Variants in ST14 observed in about 807,000 individuals in gnomAD.
ST14 encodes ST14 transmembrane serine protease matriptase.
A neutral mutation model predicts 96.5 loss-of-function variants in ST14; 40 were observed. The ratio of observed to expected loss-of-function variants is 0.41; its 90% CI spans 0.32 to 0.54. The LOEUF (loss-of-function observed/expected upper bound fraction) is 0.54, where lower values mean the gene tolerates loss of function less well. Among genes scored for constraint, ST14 ranks in the 20% least tolerant of loss-of-function variants. The pLI, the probability that ST14 is intolerant of heterozygous loss-of-function variation, is 0.17. For missense variants in ST14, 1,066 were observed against 1,188.9 expected, an observed-to-expected ratio of 0.90 and a Z score of 1.52; for synonymous variants, 506 against 492.1, an observed-to-expected ratio of 1.03 and a Z score of -0.37.
intron 16 of ST14, among the ~76,000 whole-genome samples, chr11:130,202,703 G>A (rs556454921): frequency 1.8e-4 from 28 of 152,314 alleles, no homozygotes; most frequent in Non-Finnish European, 2.5e-4. Context: ...GCCGGGAGGC[G>A]GCATCACGTT....
At chr11:130,209,392 G>T in intron 17 of ST14, 50 bp from the exon 18 acceptor site, 1 of 1,554,536 alleles carries the variant, frequency 6.4e-7, no homozygotes. Flanking sequence ...CTCGAATGAC[G>T]CTGCCCTCGA....
In ST14 at chr11:130,188,510, C is replaced by T. The variant is rs754650670; in HGVS notation, c.242-20C>T. 1.7e-5 allele frequency: 27 copies of T among 1,612,220 alleles called. No individual in the cohort carries two copies. In the African/African-American group the frequency reaches 3.1e-4, roughly 18 times the overall value. On this transcript the variant is annotated intron_variant, in intron 2 of 18. Transcript: ENST00000278742. This position sits in a 1 kb window ranked among gnomAD's most constrained non-coding sequence, Gnocchi z 5.4. Reference sequence around the variant, plus strand: ...GGTGGTACCACCTCCCCTGACTGAGCGCCTTCTGGTCTCACACAGACCGGG... The same window carrying T: ...GGTGGTACCACCTCCCCTGACTGAGTGCCTTCTGGTCTCACACAGACCGGG...
intron 1 of ST14, among the ~76,000 whole-genome samples, chr11:130,176,007 T>C (rs1953134093): frequency 6.6e-6 from 1 of 152,186 alleles, no homozygotes; most frequent in Non-Finnish European, 1.5e-5. Flanking sequence ...GGTAGTTTTA[T>C]AATAGCTCAT....
chr11:130,192,244 C>T (rs1470473758), intron 7 of ST14, among the ~76,000 whole-genome samples: 1 of 152,228 alleles, frequency 6.6e-6, no homozygotes, highest in African/African-American at 2.4e-5. Context: ...TCTGCCGCCA[C>T]AGCTTCGTAA....
intron 16 of ST14, 88 bp downstream of exon 16, chr11:130,200,225 G>T (rs1477529684): frequency 1.3e-6 from 2 of 1,496,356 alleles, no homozygotes; most frequent in Admixed American, 1.9e-5. Flanking sequence ...CCGAGGCAGG[G>T]CACTGGAGGG....
At position 130,209,575 on chromosome 11, in the gene ST14, C is replaced by CCAGGTGGCCCCCGGGGCAGGAGGGCGG. The variant is rs1953528572; in HGVS notation, c.2406+5_2406+31dup. ...TCCTCAGCGGCGGCGTGGACTCCTG[C>CCAGGTGGCCCCCGGGGCAGGAGGGCGG]CAGGTGGCCCCCGGGGCAGGAGGGC... On this transcript the variant is annotated inframe_insertion, in exon 18 of 19. Transcript: ENST00000278742. The CCAGGTGGCCCCCGGGGCAGGAGGGCGG allele has an allele frequency of 6.3e-7, 1 of 1,577,614 alleles. No homozygotes were observed. The highest frequency in any genetic ancestry group is 1.3e-5 in the African/African-American group (1 of 74,166).
In ST14 at chr11:130,197,891, C is replaced by T. The variant is rs1038534820; in HGVS notation, c.1405C>T (p.Leu469=). 2 of 1,597,662 alleles carry T rather than the reference C, an allele frequency of 1.3e-6. No homozygotes were observed. Among genetic ancestry groups the T allele is most frequent in the African/African-American group, 1.3e-5 (1 of 74,840 alleles). ...CRTGRCIRKE[L]RCDGWADCTD... ...CACGGGGCGGTGTATCCGGAAGGAG[C>T]TGCGCTGTGATGGCTGGGCCGACTG... The change falls in exon 12 of 19, where the codon CTG becomes TTG. Residue 469 remains leucine, a synonymous_variant. Transcript: ENST00000278742.
intron 1 of ST14, among the ~76,000 whole-genome samples, chr11:130,163,491 G>T (rs1267279102): frequency 1.3e-5 from 2 of 152,112 alleles, no homozygotes; most frequent in African/African-American, 4.8e-5. Context: ...CCAGGTGATC[G>T]ATCCTCCTTG....
At chr11:130,164,075 G>T (rs1953023176) in intron 1 of ST14, among the ~76,000 whole-genome samples, 1 of 152,186 alleles carries the variant, frequency 6.6e-6, no homozygotes, top group South Asian at 2.1e-4. Context: ...TCTGGTCTGT[G>T]GTTCTGCCAA....
rs577756798 is a variant in ST14 at position 130,196,403 on chromosome 11, C to A, written c.1178C>A (p.Pro393His). The change falls in exon 10 of 19, where the codon CCT becomes CAT. Residue 393 changes from proline to histidine, a missense_variant. Coordinates refer to ENST00000278742, the MANE Select transcript of ST14 (RefSeq NM_021978.4). Reference protein sequence around the residue: ...KFFYLLEPGVPAGTCPKDYVE... With the variant: ...KFFYLLEPGVHAGTCPKDYVE... ...TTCTACCTGCTGGAGCCCGGCGTGC[C>A]TGCGGGCACCTGCCCCAAGGACTAC... 1 of 1,610,246 alleles carries A rather than the reference C, an allele frequency of 6.2e-7. No individual in the cohort carries two copies. The highest frequency in any genetic ancestry group is 1.3e-5 in the African/African-American group (1 of 74,896).
intron 8 of ST14, 100 bp downstream of exon 8, chr11:130,194,388 C>G: frequency 6.5e-7 from 1 of 1,530,742 alleles, no homozygotes; most frequent in Non-Finnish European, 8.9e-7. Context: ...AGGCTAGACC[C>G]TGTGGTTGGC....
intron 1 of ST14, among the ~76,000 whole-genome samples, chr11:130,185,629 CTGGGCA>C (rs1325477035): frequency 6.6e-6 from 1 of 152,176 alleles, no homozygotes; most frequent in Non-Finnish European, 1.5e-5. Flanking sequence ...GCACTCCAGC[CTGGGCA>C]ACACAGCAAG....
chr11:130,160,198 C>A, intron 1 of ST14, 138 bp downstream of exon 1: 2 of 568,910 alleles, frequency 3.5e-6, no homozygotes, highest in Non-Finnish European at 5.3e-6. Flanking sequence ...ATTTCCTGTT[C>A]AGCGGGTGCC....
At chr11:130,175,191 A>AT (rs1355494577) in intron 1 of ST14, among the ~76,000 whole-genome samples, 1 of 151,840 alleles carries the variant, frequency 6.6e-6, no homozygotes, top group South Asian at 2.1e-4. Flanking sequence ...CTTGTGTTAG[A>AT]TTTTTTCAAG....
intron 1 of ST14, among the ~76,000 whole-genome samples, chr11:130,162,706 C>G (rs1038880073): frequency 6.6e-6 from 1 of 152,238 alleles, no homozygotes; most frequent in Non-Finnish European, 1.5e-5. Context: ...AGACTCACAG[C>G]CCCTGTCCTT....
At chr11:130,169,185 C>G (rs1049808941) in intron 1 of ST14, among the ~76,000 whole-genome samples, 1 of 150,086 alleles carries the variant, frequency 6.7e-6, no homozygotes, top group African/African-American at 2.5e-5. Context: ...ACCTCCGCCT[C>G]CCTGGTTCAA....
At chr11:130,161,858 A>C (rs1437044948) in intron 1 of ST14, among the ~76,000 whole-genome samples, 1 of 152,218 alleles carries the variant, frequency 6.6e-6, no homozygotes, top group Non-Finnish European at 1.5e-5. Context: ...TTTAAAGAAC[A>C]TCCAGTCTTG....
At chr11:130,164,423 G>GTT (rs559501197) in intron 1 of ST14, among the ~76,000 whole-genome samples, 16 of 137,432 alleles carry the variant, frequency 1.2e-4, no homozygotes, top group Admixed American at 1.5e-4. Context: ...TGTTATTACT[G>GTT]TTTTTTTTTT....
chr11:130,169,015 C>T (rs1451997934), intron 1 of ST14, among the ~76,000 whole-genome samples: 1 of 144,682 alleles, frequency 6.9e-6, no homozygotes, highest in African/African-American at 2.8e-5. Flanking sequence ...TGAAAGACCT[C>T]CAGGGAATTT....
Sources: gnomAD v4.1 joint callset for allele counts (sites outside exome capture counted in the v4.1 genomes callset) on GRCh38, gnomAD v4.1.1 for gene constraint, Gnocchi (gnomAD v3.1) non-coding constraint, MANE v1.5 for transcripts, NCBI Gene and HGNC (gene_info 2026-07-23, HGNC 2026-07-21) for gene names.